The following MEIKIN variants were observed in gnomAD, a reference collection of about 807,000 sequenced individuals.
MEIKIN encodes meiotic kinetochore factor.
intron 9 of MEIKIN, among the ~76,000 whole-genome samples, chr5:131,874,713 T>C (rs1213097395): frequency 1.3e-5 from 2 of 152,206 alleles, no homozygotes; most frequent in African/African-American, 4.8e-5. Context: ...TTTAGACCAG[T>C]ATCCTTGATG....
intron 8 of MEIKIN, among the ~76,000 whole-genome samples, chr5:131,891,691 A>G (rs1008419165): frequency 1.5e-4 from 23 of 152,180 alleles, no homozygotes; most frequent in African/African-American, 4.3e-4. Flanking sequence ...TGTGTCTTTT[A>G]ATTAGAGCAT....
intron 9 of MEIKIN, among the ~76,000 whole-genome samples, chr5:131,865,342 C>G (rs1011236390): frequency 6.6e-6 from 1 of 152,132 alleles, no homozygotes; most frequent in East Asian, 1.9e-4. Flanking sequence ...GCCTCAGCCT[C>G]CCGAGTAGCT....
chr5:131,812,939 A>AATCAT (rs749826350), intron 12 of MEIKIN, among the ~76,000 whole-genome samples: 3 of 152,226 alleles, frequency 2.0e-5, no homozygotes, highest in Non-Finnish European at 4.4e-5. Context: ...CTAAGCACTT[A>AATCAT]ATCATAGGCC....
intron 9 of MEIKIN, among the ~76,000 whole-genome samples, chr5:131,876,642 C>T (rs995965783): frequency 6.6e-6 from 1 of 151,102 alleles, no homozygotes; most frequent in South Asian, 2.1e-4. Flanking sequence ...CATCCCATTA[C>T]TGGGTATATA....
intron 12 of MEIKIN, among the ~76,000 whole-genome samples, chr5:131,815,741 C>A (rs1773090150): frequency 6.6e-6 from 1 of 152,102 alleles, no homozygotes; most frequent in South Asian, 2.1e-4. Flanking sequence ...TTTATCATAC[C>A]CTGTGATTAA....
At chr5:131,876,337 A>G (rs1284236648) in intron 9 of MEIKIN, among the ~76,000 whole-genome samples, 11 of 151,844 alleles carry the variant, frequency 7.2e-5, no homozygotes, top group Non-Finnish European at 1.6e-4. Flanking sequence ...TGGGCGAAGG[A>G]TATGAGCAGA....
At chr5:131,822,252 T>C (rs1219242236) in intron 11 of MEIKIN, among the ~76,000 whole-genome samples, 1 of 152,178 alleles carries the variant, frequency 6.6e-6, no homozygotes, top group Admixed American at 6.5e-5. Context: ...AGCCACTCTA[T>C]GTTTTTTCAT....
intron 8 of MEIKIN, among the ~76,000 whole-genome samples, chr5:131,887,167 T>C (rs539454754): frequency 6.6e-6 from 1 of 152,232 alleles, no homozygotes; most frequent in Admixed American, 6.5e-5. Context: ...GAACTCATAC[T>C]TTTTTATGGC....
intron 11 of MEIKIN, among the ~76,000 whole-genome samples, chr5:131,834,395 T>A (rs978393177): frequency 2.6e-5 from 4 of 152,202 alleles, no homozygotes; most frequent in Non-Finnish European, 2.9e-5. Flanking sequence ...CAATTCACTG[T>A]TATTAACTAT....
rs1005117960 is a variant in MEIKIN at position 131,878,493 on chromosome 5, G to A, written c.774+485C>T. Reference sequence around the variant, plus strand: ...GAGGCAGGAGAATGGCATGAACCCAGGAGGCAGAGCTTGCAGTGAGCCGAG... The same window carrying A: ...GAGGCAGGAGAATGGCATGAACCCAAGAGGCAGAGCTTGCAGTGAGCCGAG... On this transcript the variant is annotated intron_variant, in intron 9 of 12. Transcript: ENST00000442687. Among the ~76,000 whole-genome samples, 3 of 152,200 alleles carry A rather than the reference G, an allele frequency of 2.0e-5. 1 individual carries two copies. In the South Asian group the frequency reaches 6.2e-4, roughly 32 times the overall value.
chr5:131,903,112 G>A (rs2149639814), intron 8 of MEIKIN, among the ~76,000 whole-genome samples: 1 of 152,130 alleles, frequency 6.6e-6, no homozygotes, highest in Non-Finnish European at 1.5e-5. Context: ...AAGAAACAAT[G>A]ACAAAGAATG....
chr5:131,820,678 T>C lies in MEIKIN; in HGVS notation c.976-1815A>G, dbSNP rs190699048. ...GCGCTTTTCTTTACTGGGAGACTAT[T>C]ATGGCTTCGGTCACATTACTTGTAT... On this transcript the variant is annotated intron_variant, in intron 11 of 12. Coordinates refer to ENST00000442687, the MANE Select transcript of MEIKIN (RefSeq NM_001303622.2). Among the ~76,000 whole-genome samples, 169 of 152,328 alleles carry C rather than the reference T, an allele frequency of 1.1e-3. 1 individual carries two copies. The highest frequency in any genetic ancestry group is 1.8e-3 in the Admixed American group (28 of 15,300).
intron 9 of MEIKIN, among the ~76,000 whole-genome samples, chr5:131,874,042 G>C (rs1440988708): frequency 6.6e-6 from 1 of 152,054 alleles, no homozygotes; most frequent in East Asian, 1.9e-4. Flanking sequence ...AGAGAAAGCA[G>C]GAAAGATCTA....
At chr5:131,833,643 C>T (rs191044182) in intron 11 of MEIKIN, among the ~76,000 whole-genome samples, 9 of 152,304 alleles carry the variant, frequency 5.9e-5, no homozygotes, top group Admixed American at 5.9e-4. Flanking sequence ...AATGTGGAAA[C>T]CCCTGATAAA....
chr5:131,887,231 T>C lies in MEIKIN; in HGVS notation c.704-8183A>G, dbSNP rs111596569. On this transcript the variant is annotated intron_variant, in intron 8 of 12. Transcript: ENST00000442687. ...CACATTTTCTTAATCCAGTCTATCA[T>C]TGATGGACATTTAGGTTGGTTCCAA... is the stretch of plus-strand genomic sequence containing the variant. Among the ~76,000 whole-genome samples the C allele has an allele frequency of 6.3e-3, 961 of 152,230 alleles. 7 individuals are homozygous for C. The highest frequency in any genetic ancestry group is 0.022 in the African/African-American group (909 of 41,540).
At chr5:131,863,556 C>CTTTTT (rs1750325066) in intron 9 of MEIKIN, among the ~76,000 whole-genome samples, 1 of 41,998 alleles carries the variant, frequency 2.4e-5, no homozygotes, top group African/African-American at 1.2e-4. Context: ...CCTTCTTTGT[C>CTTTTT]CTTTTTTTTT....
chr5:131,825,662 C>T (rs560258006), intron 11 of MEIKIN, among the ~76,000 whole-genome samples: 1 of 152,296 alleles, frequency 6.6e-6, no homozygotes, highest in East Asian at 1.9e-4. Context: ...CAAGTATTTA[C>T]CATAAACCAC....
rs551628743 is a variant in MEIKIN, at chr5:131,850,359, G to A, written c.975+905C>T. On this transcript the variant is annotated intron_variant, in intron 11 of 12. Transcript: ENST00000442687. ...TTTAAAATTCACATGGAATCTCAAGGGATCCTGAATAGTAAAAACAAAAAT... is the reference window on the plus strand; with the variant it reads ...TTTAAAATTCACATGGAATCTCAAGAGATCCTGAATAGTAAAAACAAAAAT... 4.1e-4 allele frequency among the ~76,000 whole-genome samples: 63 copies of A among 152,176 alleles called. No homozygotes were observed. The South Asian group carries it at 9.1e-3, about 22-fold the overall frequency.
intron 11 of MEIKIN, among the ~76,000 whole-genome samples, chr5:131,841,536 C>CA (rs1157504204): frequency 3.3e-5 from 5 of 152,256 alleles, no homozygotes; most frequent in Admixed American, 3.3e-4. Context: ...GTGATGCCTC[C>CA]AGCTTTGTTG....
Sources: allele counts gnomAD v4.1 joint callset (sites outside exome capture counted in the v4.1 genomes callset), GRCh38; gene constraint gnomAD v4.1.1; transcripts MANE v1.5; gene names NCBI Gene and HGNC (gene_info 2026-07-23, HGNC 2026-07-21).